NEBL: variants seen among roughly 807,000 people sequenced by gnomAD.
The protein encoded by NEBL is nebulette.
NEBL carries 122 observed loss-of-function variants against 140.2 expected under a neutral mutation model. That is an observed-to-expected ratio of 0.87 (90% CI 0.75 to 1.01). The LOEUF (loss-of-function observed/expected upper bound fraction) is 1.01. Among genes scored for constraint, NEBL ranks in the 50% least tolerant of loss-of-function variants. The pLI is 0.00. For synonymous variants in NEBL, 436 were observed against 398.9 expected (o/e 1.09, Z -1.11); for missense variants, 1,365 against 1,231.3 (o/e 1.11, Z -1.62).
At chr10:21,149,911 C>T (rs901305488) in intron 2 of NEBL, among the ~76,000 whole-genome samples, 4 of 152,154 alleles carry the variant, frequency 2.6e-5, no homozygotes, top group African/African-American at 7.2e-5. Context: ...GTGGGAAAAT[C>T]CCTCACACAT....
At chr10:21,278,193 C>G (rs1227485975) in intron 1 of NEBL, among the ~76,000 whole-genome samples, 1 of 152,178 alleles carries the variant, frequency 6.6e-6, no homozygotes, top group Non-Finnish European at 1.5e-5. Flanking sequence ...GCAGTCCCAG[C>G]TACTCGGGAG....
At chr10:20,843,674 A>G (rs899820671) in intron 12 of NEBL, among the ~76,000 whole-genome samples, 2 of 152,032 alleles carry the variant, frequency 1.3e-5, no homozygotes, top group East Asian at 1.9e-4. Flanking sequence ...ATGGCCAACT[A>G]TTTCTCTTTT....
chr10:20,897,371 G>C (rs74960967), upstream of NEBL: 5,987 of 1,424,384 alleles, frequency 4.2e-3, 176 homozygotes, highest in African/African-American at 0.068. Flanking sequence ...TCAGTGGTGT[G>C]TGAGTGAACA....
chr10:20,952,715 G>A (rs1436212901), intron 4 of NEBL, among the ~76,000 whole-genome samples: 1 of 151,560 alleles, frequency 6.6e-6, no homozygotes, highest in Non-Finnish European at 1.5e-5. Context: ...GGCCAGCCTG[G>A]TCAATATGGC....
intron 2 of NEBL, among the ~76,000 whole-genome samples, chr10:21,134,586 G>A (rs763109675): frequency 1.3e-4 from 20 of 152,222 alleles, no homozygotes; most frequent in Admixed American, 2.6e-4. Flanking sequence ...CTAATTTTCC[G>A]GATTTGGACA....
chr10:21,263,165 C>T (rs7896069), intron 1 of NEBL, among the ~76,000 whole-genome samples: 69,370 of 152,018 alleles, frequency 0.46, 17,615 homozygotes, highest in African/African-American at 0.67. Context: ...GTACTCTTAG[C>T]GTAGGTATTT....
In NEBL at chr10:21,099,135, A is replaced by C. The variant is rs531337736; in HGVS notation, c.164+73248T>G. 5.3e-5 allele frequency among the ~76,000 whole-genome samples: 8 copies of C among 152,352 alleles called. 1 individual carries two copies. In the East Asian group the frequency reaches 7.7e-4, roughly 15 times the overall value. ...GTAACAGAGAAAGACCCTGTCTCTA[A>C]AAATAAAAATAAAATCAAAACAGAG... On this transcript the variant is annotated intron_variant, in intron 2 of 6. Transcript: ENST00000417816.
intron 4 of NEBL, among the ~76,000 whole-genome samples, chr10:20,959,656 C>T (rs969832741): frequency 3.3e-5 from 5 of 152,024 alleles, no homozygotes; most frequent in Non-Finnish European, 5.9e-5. Flanking sequence ...GAGTTGTTCC[C>T]TAATGGTAAT....
At chr10:21,102,907 T>C (rs1837539364) in intron 2 of NEBL, among the ~76,000 whole-genome samples, 2 of 152,042 alleles carry the variant, frequency 1.3e-5, no homozygotes, top group South Asian at 4.2e-4. Context: ...GCCATAGCGG[T>C]TTGCTGTACC....
chr10:20,819,464 T>C lies in NEBL; in HGVS notation c.2015A>G (p.Glu672Gly). 6.2e-7 allele frequency: 1 copy of C among 1,614,082 alleles called. No individual in the cohort carries two copies. The change falls in exon 20 of 28, where the codon GAG (glutamate) becomes GGG (glycine). Residue 672 changes from glutamate (E) to glycine (G), a missense_variant. Glu to Gly is a moderately conservative substitution (Grantham distance 98). Around this residue, in one of 2 missense-constraint regions of NEBL, gnomAD observed 1,323 missense variants for 1,154.8 expected, o/e 1.15. Coordinates refer to ENST00000377122, the MANE Select transcript of NEBL (RefSeq NM_006393.3). ...CTGGTTTCGCCTCACTCTCTCTATCTCCGGGGTCATGCTTACCGGAGTGGC... is the reference window on the plus strand; with the variant it reads ...CTGGTTTCGCCTCACTCTCTCTATCCCCGGGGTCATGCTTACCGGAGTGGC... ...YKATPVSMTP[E>G]IERVRRNQEQ...
chr10:21,171,586 C>T (rs571631260), intron 2 of NEBL: 5 of 152,356 alleles, frequency 3.3e-5, no homozygotes, highest in African/African-American at 7.2e-5. Context: ...TTTCATTACC[C>T]GCCACATGGG....
At chr10:20,908,127 A>G (rs1424049902) in intron 4 of NEBL, among the ~76,000 whole-genome samples, 9 of 152,180 alleles carry the variant, frequency 5.9e-5, no homozygotes, top group Admixed American at 5.9e-4. Context: ...AGCTTTATAT[A>G]CAGTAACCCA....
chr10:21,224,132 G>A (rs1842112597), intron 3 of NEBL, among the ~76,000 whole-genome samples: 1 of 152,142 alleles, frequency 6.6e-6, no homozygotes, highest in Non-Finnish European at 1.5e-5. Flanking sequence ...TCGTTTAGTA[G>A]TTTCATAGTT....
intron 2 of NEBL, among the ~76,000 whole-genome samples, chr10:21,045,496 A>C (rs1480595211): frequency 4.5e-4 from 68 of 152,224 alleles, no homozygotes; most frequent in Non-Finnish European, 1.5e-5. Context: ...CTGGTCAAGA[A>C]ATAAAGGGAG....
At chr10:21,103,057 TC>T (rs1837549127) in intron 2 of NEBL, among the ~76,000 whole-genome samples, 2 of 150,104 alleles carry the variant, frequency 1.3e-5, no homozygotes, top group South Asian at 4.3e-4. Context: ...TTATTTCTCT[TC>T]GAAAACTATC....
intron 3 of NEBL, among the ~76,000 whole-genome samples, chr10:20,979,146 G>T (rs181890999): frequency 2.0e-5 from 3 of 152,072 alleles, no homozygotes; most frequent in Admixed American, 6.6e-5. Context: ...GACTGGGCAC[G>T]GTGGCTCACG....
rs1839059923 is a variant in NEBL, at chr10:20,819,452, A to T, written c.2027T>A (p.Val676Glu). Residue 676 changes from valine to glutamate, a missense_variant, in exon 20 of 28, where the codon GTG (valine) becomes GAG (glutamate). Around this residue, in one of 2 missense-constraint regions of NEBL, gnomAD observed 1,323 missense variants for 1,154.8 expected, o/e 1.15. Coordinates refer to ENST00000377122, the MANE Select transcript of NEBL (RefSeq NM_006393.3). Reference protein sequence around the residue: ...PVSMTPEIERVRRNQEQLSAV... With the variant: ...PVSMTPEIERERRNQEQLSAV... ...ACTCAGCTGCTCCTGGTTTCGCCTCACTCTCTCTATCTCCGGGGTCATGCT... is the reference window on the plus strand; with the variant it reads ...ACTCAGCTGCTCCTGGTTTCGCCTCTCTCTCTCTATCTCCGGGGTCATGCT... The T allele has an allele frequency of 6.2e-7, 1 of 1,613,570 alleles. No homozygotes were observed. The highest frequency in any genetic ancestry group is 1.1e-5 in the South Asian group (1 of 91,050).
chr10:20,992,213 G>T (rs149113310), intron 3 of NEBL, among the ~76,000 whole-genome samples: 118 of 152,322 alleles, frequency 7.7e-4, no homozygotes, highest in Admixed American at 1.4e-3. Flanking sequence ...AGATATTACA[G>T]ATGTATATGA....
intron 2 of NEBL, among the ~76,000 whole-genome samples, chr10:21,065,827 T>C (rs1835510648): frequency 6.6e-6 from 1 of 152,184 alleles, no homozygotes; most frequent in Admixed American, 6.5e-5. Flanking sequence ...ACATCTTTCC[T>C]GGAACAGTCC....
Sources: gnomAD v4.1 joint callset for allele counts (sites outside exome capture counted in the v4.1 genomes callset) on GRCh38, gnomAD v4.1.1 for gene constraint, gnomAD v4.1.1 regional missense constraint, MANE v1.5 for transcripts, NCBI Gene and HGNC (gene_info 2026-07-23, HGNC 2026-07-21) for gene names.